The following NOS1 variants were observed in gnomAD, a reference collection of about 807,000 sequenced individuals.
NOS1 encodes the protein nitric oxide synthase 1.
NOS1 carries 51 observed loss-of-function variants against 164.5 expected under a neutral mutation model. The ratio of observed to expected loss-of-function variants is 0.31; its 90% CI spans 0.25 to 0.39. The LOEUF (loss-of-function observed/expected upper bound fraction) is 0.39, where lower values mean the gene tolerates loss of function less well. Among genes scored for constraint, NOS1 ranks in the 10% least tolerant of loss-of-function variants. The probability of loss-of-function intolerance (pLI) is 1.00; values close to 1 mark genes in which losing one functional copy is unlikely to be tolerated. For missense variants in NOS1, 1,362 were observed against 1,885.6 expected, an observed-to-expected ratio of 0.72 and a Z score of 5.14; for synonymous variants, 719 against 745.8, an observed-to-expected ratio of 0.96 and a Z score of 0.59.
chr12:117,214,587 T>C lies in NOS1; in HGVS notation c.*722A>G, dbSNP rs1454804989. 7.1e-6 allele frequency: 7 copies of C among 985,306 alleles called. No homozygotes were observed. The highest frequency in any genetic ancestry group is 1.7e-5 in the African/African-American group (1 of 57,212). 61.0% of individuals were successfully genotyped at this position (985,306 alleles called of 1,614,324 possible). ...GCAAATTCTGGGAATGCCTCTTTCATTGGGAGACAGCCCCTTTAATCAATT... is the reference window on the plus strand; with the variant it reads ...GCAAATTCTGGGAATGCCTCTTTCACTGGGAGACAGCCCCTTTAATCAATT... On this transcript the variant is annotated 3_prime_UTR_variant, in exon 29 of 29. Transcript: ENST00000317775.
At chr12:117,230,148 A>T (rs1404728784) in intron 22 of NOS1, among the ~76,000 whole-genome samples, 1 of 151,988 alleles carries the variant, frequency 6.6e-6, no homozygotes, top group Non-Finnish European at 1.5e-5. Flanking sequence ...TCCTGGCCTC[A>T]AGCAATCTTC....
intron 18 of NOS1, chr12:117,246,129 T>C (rs1870598779): frequency 6.3e-6 from 1 of 157,848 alleles, no homozygotes; most frequent in Non-Finnish European, 1.5e-5. Context: ...CACCAGGGAC[T>C]TCACAGCCAC....
chr12:117,261,178 C>CAAAAAA (rs534260940), intron 13 of NOS1, among the ~76,000 whole-genome samples: 2 of 77,266 alleles, frequency 2.6e-5, no homozygotes, highest in African/African-American at 9.1e-5. Flanking sequence ...GACTCTGCCT[C>CAAAAAA]AAAAAAAAAA....
chr12:117,324,265 A>G (rs911328139), intron 2 of NOS1, among the ~76,000 whole-genome samples: 1 of 152,178 alleles, frequency 6.6e-6, no homozygotes, highest in Admixed American at 6.6e-5. Flanking sequence ...GAGGTTGACA[A>G]CTATTTGTAA....
chr12:117,343,024 G>A (rs558283158), intron 1 of NOS1, among the ~76,000 whole-genome samples: 1 of 152,184 alleles, frequency 6.6e-6, no homozygotes, highest in Non-Finnish European at 1.5e-5. Flanking sequence ...CTGAGAGAGG[G>A]AAACCTGAAC....
chr12:117,355,946 T>A (rs533886975), intron 1 of NOS1, among the ~76,000 whole-genome samples: 204 of 152,106 alleles, frequency 1.3e-3, no homozygotes, highest in Non-Finnish European at 1.9e-3. Flanking sequence ...AGAGATGGAG[T>A]CTCACTCTGT....
intron 1 of NOS1, among the ~76,000 whole-genome samples, chr12:117,351,437 C>T (rs965234744): frequency 3.9e-5 from 6 of 152,178 alleles, no homozygotes; most frequent in African/African-American, 1.4e-4. Flanking sequence ...TACTTAAGCA[C>T]CCCTTTGTTG....
intron 14 of NOS1, 142 bp downstream of exon 14, chr12:117,260,323 A>T (rs946668529): frequency 1.3e-5 from 11 of 815,638 alleles, no homozygotes; most frequent in African/African-American, 3.5e-5. Context: ...AATTTATGCA[A>T]ATGTGTATGT....
At position 117,214,670 on chromosome 12, in the gene NOS1, C is replaced by G; in HGVS notation, c.*639G>C. On this transcript the variant is annotated 3_prime_UTR_variant, in exon 29 of 29. Coordinates refer to ENST00000317775, the MANE Select transcript of NOS1 (RefSeq NM_000620.5). Reference sequence around the variant, plus strand: ...CTAACTAGAACAATTATGGGGCTTCCAAATGTTTCAGGTACATGGGCGTGG... The same window carrying G: ...CTAACTAGAACAATTATGGGGCTTCGAAATGTTTCAGGTACATGGGCGTGG... 1 of 985,340 alleles carries G rather than the reference C, an allele frequency of 1.0e-6. No individual in the cohort carries two copies. Among genetic ancestry groups the G allele is most frequent in the East Asian group, 1.1e-4 (1 of 8,810 alleles). 61.0% of individuals were successfully genotyped at this position (985,340 alleles called of 1,614,324 possible). A position where few individuals can be genotyped will look rare whatever the true frequency, so the allele number is the denominator to read the frequency against.
At chr12:117,300,999 T>C (rs1487578321) in intron 3 of NOS1, among the ~76,000 whole-genome samples, 3 of 152,174 alleles carry the variant, frequency 2.0e-5, no homozygotes, top group Non-Finnish European at 4.4e-5. Context: ...AATATCACAA[T>C]ATGATGACTA....
chr12:117,312,592 T>A (rs509190), intron 2 of NOS1, among the ~76,000 whole-genome samples: 89,670 of 151,644 alleles, frequency 0.59, 27,807 homozygotes, highest in African/African-American at 0.78. Context: ...ATTTTTTTTT[T>A]TTTTATTTTC....
chr12:117,325,693 C>T (rs1420650021), intron 2 of NOS1, among the ~76,000 whole-genome samples: 1 of 152,180 alleles, frequency 6.6e-6, no homozygotes, highest in Admixed American at 6.5e-5. Flanking sequence ...ATTTACCCAT[C>T]GTTTTATCAG....
chr12:117,322,646 C>T (rs1339895494), intron 2 of NOS1, among the ~76,000 whole-genome samples: 5 of 143,080 alleles, frequency 3.5e-5, no homozygotes, highest in African/African-American at 1.3e-4. Flanking sequence ...TTCCTCCCTC[C>T]CTGCTTCCCT....
At chr12:117,319,229 T>TG (rs1874801698) in intron 2 of NOS1, among the ~76,000 whole-genome samples, 1 of 151,950 alleles carries the variant, frequency 6.6e-6, no homozygotes, top group South Asian at 2.1e-4. Flanking sequence ...TTTTTAAAAT[T>TG]TTTTGTAGAG....
intron 5 of NOS1, among the ~76,000 whole-genome samples, chr12:117,286,795 T>C (rs1391450967): frequency 6.6e-6 from 1 of 152,168 alleles, no homozygotes; most frequent in African/African-American, 2.4e-5. Flanking sequence ...GCCCATTCTG[T>C]CCCCAGAAGT....
At chr12:117,255,470 T>C (rs542049023) in intron 16 of NOS1, among the ~76,000 whole-genome samples, 1 of 152,316 alleles carries the variant, frequency 6.6e-6, no homozygotes, top group South Asian at 2.1e-4. Flanking sequence ...AAGCTGGATG[T>C]TCTTTAAAGT....
chr12:117,358,332 G>T (rs3825106), intron 1 of NOS1, among the ~76,000 whole-genome samples: 2 of 112,078 alleles, frequency 1.8e-5, no homozygotes, highest in Non-Finnish European at 4.6e-5. Flanking sequence ...CAATACCCCC[G>T]CCCTCTCACT....
intron 25 of NOS1, among the ~76,000 whole-genome samples, chr12:117,224,203 C>T (rs933179368): frequency 6.6e-6 from 1 of 152,172 alleles, no homozygotes; most frequent in African/African-American, 2.4e-5. Flanking sequence ...GCTTTTCTGT[C>T]TTGTTCACTG....
chr12:117,338,718 C>A (rs774581591), intron 1 of NOS1, among the ~76,000 whole-genome samples: 12 of 152,154 alleles, frequency 7.9e-5, no homozygotes, highest in Non-Finnish European at 1.5e-4. Flanking sequence ...CCAAGGTATA[C>A]CATTAAGGTG....
Sources: allele counts gnomAD v4.1 joint callset (sites outside exome capture counted in the v4.1 genomes callset), GRCh38; gene constraint gnomAD v4.1.1; transcripts MANE v1.5; gene names NCBI Gene and HGNC (gene_info 2026-07-23, HGNC 2026-07-21).